Variants in SIMC1 observed in about 807,000 individuals in gnomAD.
The protein encoded by SIMC1 is SUMO-interacting motif-containing protein 1.
A neutral mutation model predicts 82.3 loss-of-function variants in SIMC1; 55 were observed. The ratio of observed to expected loss-of-function variants is 0.67; its 90% CI spans 0.54 to 0.84. The LOEUF (loss-of-function observed/expected upper bound fraction) is 0.84, where lower values mean the gene tolerates loss of function less well. SIMC1 is among the 40% of genes least tolerant of loss of function. SIMC1 has a pLI of 0.00. For synonymous variants in SIMC1, 353 were observed against 426.3 expected (o/e 0.83, Z 2.12); for missense variants, 915 against 1,107.2 (o/e 0.83, Z 2.46).
At chr5:176,315,667 G>A (rs1345593196) in intron 5 of SIMC1, among the ~76,000 whole-genome samples, 2 of 152,114 alleles carry the variant, frequency 1.3e-5, no homozygotes, top group African/African-American at 4.8e-5. Flanking sequence ...GGTCAACATG[G>A]GGCAATGACT....
chr5:176,265,013 G>A lies in SIMC1; in HGVS notation c.130-24641G>A, dbSNP rs140490115. Among the ~76,000 whole-genome samples, 110 of 152,094 alleles carry A rather than the reference G, an allele frequency of 7.2e-4. 1 individual carries two copies. Among genetic ancestry groups the A allele is most frequent in the Non-Finnish European group, 6.6e-4 (45 of 68,010 alleles). On this transcript the variant is annotated intron_variant, in intron 1 of 9. Coordinates refer to ENST00000429602, the MANE Select transcript of SIMC1 (RefSeq NM_001308195.2). The stretch of plus-strand genomic sequence containing the variant: ...GGGAGATACCATTTCTACAAAAAAA[G>A]CAAAATAGGAAAGGGGAATAAAAGG...
chr5:176,339,011 G>C (rs1349830818), intron 9 of SIMC1, among the ~76,000 whole-genome samples: 1 of 152,124 alleles, frequency 6.6e-6, no homozygotes. Flanking sequence ...TGCGTCCCTG[G>C]GCAGAGGTAG....
intron 1 of SIMC1, among the ~76,000 whole-genome samples, chr5:176,255,074 C>T (rs1479517465): frequency 1.3e-5 from 2 of 149,398 alleles, no homozygotes; most frequent in Middle Eastern, 3.6e-3. Flanking sequence ...GTCAGGGGTT[C>T]GAGACCAGCC....
At chr5:176,292,455 A>G (rs1326908302) in intron 2 of SIMC1, among the ~76,000 whole-genome samples, 1 of 152,172 alleles carries the variant, frequency 6.6e-6, no homozygotes, top group Non-Finnish European at 1.5e-5. Flanking sequence ...ACCTTGGAGA[A>G]TGATTTTTTT....
chr5:176,332,153 T>C (rs1765697874), intron 7 of SIMC1, among the ~76,000 whole-genome samples: 1 of 152,248 alleles, frequency 6.6e-6, no homozygotes, highest in Admixed American at 6.5e-5. Flanking sequence ...ACCTGTAATC[T>C]GACTATTTGT....
intron 4 of SIMC1, chr5:176,308,017 A>G: frequency 1.5e-6 from 1 of 657,598 alleles, no homozygotes; most frequent in South Asian, 1.7e-5. Context: ...ATGGATGAAC[A>G]AAATGAAATA....
intron 1 of SIMC1, among the ~76,000 whole-genome samples, chr5:176,244,892 T>A (rs1761386940): frequency 6.6e-6 from 1 of 151,964 alleles, no homozygotes; most frequent in Non-Finnish European, 1.5e-5. Context: ...CAGCTAATTT[T>A]ATATTTTTAG....
intron 2 of SIMC1, among the ~76,000 whole-genome samples, chr5:176,291,576 T>G (rs189233465): frequency 1.1e-4 from 16 of 152,170 alleles, no homozygotes; most frequent in African/African-American, 3.9e-4. Context: ...GACCTCGTGA[T>G]CCACCCGCCT....
chr5:176,295,040 A>C lies in SIMC1; in HGVS notation c.1442A>C (p.Gln481Pro). The part of the protein sequence containing the change: ...PDKDTRENKG[Q>P]KLEPIPHRRL... ...TTTTAATCTCTACAGAACAAGGGTC[A>C]AAAATTAGAACCCATCCCTCATCGA... is the stretch of plus-strand genomic sequence containing the variant. The change falls in exon 3 of 10, where the codon CAA becomes CCA. Residue 481 changes from glutamine to proline, a missense_variant. Physicochemically the swap from Gln to Pro is moderately conservative, Grantham distance 76. Transcript: ENST00000429602. 1 of 1,613,484 alleles carries C rather than the reference A, an allele frequency of 6.2e-7. No homozygotes were observed.
chr5:176,305,145 G>T (rs867134384), intron 4 of SIMC1, among the ~76,000 whole-genome samples: 1 of 125,298 alleles, frequency 8.0e-6, no homozygotes, highest in Admixed American at 7.5e-5. Flanking sequence ...GAGGGGGGGG[G>T]GGTCAGCCCC....
chr5:176,256,996 G>A (rs967687573), intron 1 of SIMC1, among the ~76,000 whole-genome samples: 1 of 152,110 alleles, frequency 6.6e-6, no homozygotes, highest in African/African-American at 2.4e-5. Context: ...GCCTCAAGTG[G>A]TCCTACCACA....
At position 176,322,371 on chromosome 5, in the gene SIMC1, C is replaced by T; in HGVS notation, c.1988C>T (p.Ala663Val). The T allele has an allele frequency of 6.2e-7, 1 of 1,606,968 alleles. No homozygotes were observed. Among genetic ancestry groups the T allele is most frequent in the Non-Finnish European group, 8.5e-7 (1 of 1,176,800 alleles). Residue 663 changes from alanine to valine, a missense_variant, in exon 6 of 10, where the codon GCC becomes GTC. Transcript: ENST00000429602. ...TCTTCAGGAACAGGAATCTTGAAAGCCAGCAGTAGCCACCCTTCTTCCCAG... is the reference window on the plus strand; with the variant it reads ...TCTTCAGGAACAGGAATCTTGAAAGTCAGCAGTAGCCACCCTTCTTCCCAG... ...QTSSGTGILK[A>V]SSSHPSSQPN...
chr5:176,310,873 C>T (rs1339673390), intron 4 of SIMC1, among the ~76,000 whole-genome samples: 1 of 151,016 alleles, frequency 6.6e-6, no homozygotes, highest in Non-Finnish European at 1.5e-5. Flanking sequence ...GTCTAGATAG[C>T]AAAAAATAAA....
intron 5 of SIMC1, among the ~76,000 whole-genome samples, chr5:176,317,601 A>G (rs1410004238): frequency 6.6e-6 from 1 of 152,142 alleles, no homozygotes; most frequent in South Asian, 2.1e-4. Flanking sequence ...GCCAGCCTCT[A>G]TATCATTAAT....
intron 1 of SIMC1, among the ~76,000 whole-genome samples, chr5:176,245,252 C>T (rs1165012057): frequency 2.0e-5 from 3 of 152,142 alleles, no homozygotes; most frequent in Non-Finnish European, 4.4e-5. Flanking sequence ...CATGTGAAGA[C>T]ACAGGGGAAG....
chr5:176,249,606 T>A (rs1761573904), intron 1 of SIMC1, among the ~76,000 whole-genome samples: 1 of 151,966 alleles, frequency 6.6e-6, no homozygotes, highest in Admixed American at 6.6e-5. Flanking sequence ...TTTGGAAGGC[T>A]GAGGTGGGCA....
chr5:176,295,318 G>T (rs1249712807), intron 3 of SIMC1, 56 bp downstream of exon 3: 1 of 1,524,118 alleles, frequency 6.6e-7, no homozygotes, highest in African/African-American at 1.4e-5. Flanking sequence ...TGGACTCAGG[G>T]CATAGCTTTC....
intron 1 of SIMC1, among the ~76,000 whole-genome samples, chr5:176,283,423 G>T (rs1222896209): frequency 3.9e-5 from 6 of 152,148 alleles, no homozygotes; most frequent in Non-Finnish European, 7.3e-5. Flanking sequence ...CCAGCCAAAC[G>T]AAGCTTCATA....
chr5:176,282,239 TG>T (rs1245738966), intron 1 of SIMC1, among the ~76,000 whole-genome samples: 1 of 152,228 alleles, frequency 6.6e-6, no homozygotes, highest in East Asian at 1.9e-4. Flanking sequence ...CCAAGCCAGG[TG>T]CAGGATATAA....
Sources: allele counts gnomAD v4.1 joint callset (sites outside exome capture counted in the v4.1 genomes callset), GRCh38; gene constraint gnomAD v4.1.1; transcripts MANE v1.5; gene names NCBI Gene and HGNC (gene_info 2026-07-23, HGNC 2026-07-21).